The following ANKRD35 variants were observed in gnomAD, a reference collection of about 807,000 sequenced individuals.
ANKRD35 encodes the protein ankyrin repeat domain 35, also known as ankyrin repeat domain-containing protein 35.
ANKRD35 carries 102 observed loss-of-function variants against 109.9 expected under a neutral mutation model. The observed-to-expected ratio is 0.93, with a 90% CI of 0.79 to 1.09. ANKRD35 has a LOEUF of 1.09. Ranked by LOEUF, ANKRD35 falls within the 50% of genes least tolerant of loss-of-function variation. ANKRD35 has a pLI of 0.00. For synonymous variants in ANKRD35, 515 were observed against 512.4 expected, an observed-to-expected ratio of 1.01 and a Z score of -0.07; for missense variants, 1,240 against 1,230.1, an observed-to-expected ratio of 1.01 and a Z score of -0.12.
chr1:145,872,158 G>C lies in ANKRD35; in HGVS notation c.2611C>G (p.Arg871Gly). The change falls in exon 10 of 14, where the codon CGG (arginine) becomes GGG (glycine). Residue 871 changes from arginine (R) to glycine (G), a missense_variant. Coordinates refer to ENST00000355594, the MANE Select transcript of ANKRD35 (RefSeq NM_144698.5). ...CGGCGCTCCTCGGCCACCGCCTCCC[G>C]CAGCCGACCCACTTCCCGGCAGGCC... The part of the protein sequence containing the change: ...NTACREVGRL[R>G]EAVAEERRRS... 6.2e-7 allele frequency: 1 copy of C among 1,608,780 alleles called. No individual in the cohort carries two copies. Among genetic ancestry groups the C allele is most frequent in the African/African-American group, 1.3e-5 (1 of 74,740 alleles).
chr1:145,880,655 C>T (rs1441190935), intron 1 of ANKRD35, among the ~76,000 whole-genome samples: 1 of 152,066 alleles, frequency 6.6e-6, no homozygotes, highest in Non-Finnish European at 1.5e-5. Context: ...CAACAAGAGG[C>T]TATAGAAAGG....
rs1175128216 is a variant in ANKRD35 at position 145,874,714 on chromosome 1, C to T, written c.745+108G>A. 1.7e-5 allele frequency: 22 copies of T among 1,312,784 alleles called. No homozygotes were observed. In the Admixed American group the frequency reaches 2.5e-4, roughly 15 times the overall value. 81.3% of individuals were successfully genotyped at this position (1,312,784 alleles called of 1,614,324 possible). ...CAGCAATAAATACGTAAACTCTCAACCCAGGTGACAATTATTTGTCAGATA... is the reference window on the plus strand; with the variant it reads ...CAGCAATAAATACGTAAACTCTCAATCCAGGTGACAATTATTTGTCAGATA... On this transcript the variant is annotated intron_variant, in intron 8 of 13. Coordinates refer to ENST00000355594, the MANE Select transcript of ANKRD35 (RefSeq NM_144698.5).
At chr1:145,882,103 C>G (rs192903904) in intron 1 of ANKRD35, among the ~76,000 whole-genome samples, 1 of 150,544 alleles carries the variant, frequency 6.6e-6, no homozygotes, top group Non-Finnish European at 1.5e-5. Context: ...TACAGGCGCC[C>G]GCCACCACAC....
chr1:145,867,383 C>T lies in ANKRD35; in HGVS notation c.2953G>A (p.Glu985Lys). The T allele has an allele frequency of 6.2e-7, 1 of 1,613,186 alleles. No individual in the cohort carries two copies. Among genetic ancestry groups the T allele is most frequent in the South Asian group, 1.1e-5 (1 of 91,054 alleles). ...HLLNAARGYM[E>K]HEVYNILLQI... ...AGCAGGATATTGTACACTTCATGTT[C>T]CATGTAACCCTGTAGATGTCAGGAA... The change falls in exon 13 of 14, where the codon GAA becomes AAA. Residue 985 changes from glutamate (E) to lysine (K), a missense_variant. By Grantham distance (56) the Glu-to-Lys change is moderately conservative. Coordinates refer to ENST00000355594, the MANE Select transcript of ANKRD35 (RefSeq NM_144698.5).
chr1:145,879,444 G>A, intron 1 of ANKRD35, 56 bp from the exon 2 acceptor site: 9 of 1,381,314 alleles, frequency 6.5e-6, no homozygotes, highest in Non-Finnish European at 7.6e-6. Flanking sequence ...TGTGGAGAAA[G>A]AAAAGAGGCA....
rs782244128 is a variant in ANKRD35, at chr1:145,878,073, A to G, written c.260-41T>C. 14 of 1,545,276 alleles carry G rather than the reference A, an allele frequency of 9.1e-6. No individual in the cohort carries two copies. The African/African-American group carries it at 1.5e-4, about 17-fold the overall frequency. On this transcript the variant is annotated intron_variant, in intron 3 of 13. Transcript: ENST00000355594. ...GGGGAGAAGGAGGGTAGGTGGCCCC[A>G]TGCATGCTGATGACTCACAGGGAGG... is the stretch of plus-strand genomic sequence containing the variant.
chr1:145,871,864 C>T (rs1553738683), intron 10 of ANKRD35, 118 bp downstream of exon 10: 10 of 1,303,788 alleles, frequency 7.7e-6, no homozygotes, highest in Admixed American at 6.6e-5. Flanking sequence ...ACTGGTGCTC[C>T]GTTTGGGGTA....
chr1:145,882,865 A>T (rs1307373690), intron 1 of ANKRD35, among the ~76,000 whole-genome samples: 1 of 152,144 alleles, frequency 6.6e-6, no homozygotes, highest in Non-Finnish European at 1.5e-5. Flanking sequence ...TAAGCTTTGT[A>T]TTTCCATAGC....
chr1:145,872,144 G>T lies in ANKRD35; in HGVS notation c.2625C>A (p.Ala875=), dbSNP rs1553738805. The change falls in exon 10 of 14, where the codon GCC becomes GCA. Residue 875 remains alanine (A), a synonymous_variant. Coordinates refer to ENST00000355594, the MANE Select transcript of ANKRD35 (RefSeq NM_144698.5). ...GGTCCCCGCTCCGGCGGCGCTCCTC[G>T]GCCACCGCCTCCCGCAGCCGACCCA... ...REVGRLREAV[A]EERRRSGDLA... is the part of the protein sequence containing the mutation. 1.2e-6 allele frequency: 2 copies of T among 1,609,148 alleles called. No individual in the cohort carries two copies. The highest frequency in any genetic ancestry group is 1.7e-6 in the Non-Finnish European group (2 of 1,178,060).
At chr1:145,881,445 C>G (rs1654281372) in intron 1 of ANKRD35, among the ~76,000 whole-genome samples, 1 of 152,218 alleles carries the variant, frequency 6.6e-6, no homozygotes, top group African/African-American at 2.4e-5. Context: ...CCCTCAGACT[C>G]TACTGTCTCA....
At chr1:145,876,937 C>T in intron 4 of ANKRD35, 64 bp from the exon 5 acceptor site, 1 of 1,542,396 alleles carries the variant, frequency 6.5e-7, no homozygotes, top group Non-Finnish European at 9.0e-7. Flanking sequence ...CCCATACCCC[C>T]ATTGGGTCAC....
intron 10 of ANKRD35, among the ~76,000 whole-genome samples, chr1:145,871,405 C>T (rs1388368795): frequency 2.0e-5 from 3 of 151,998 alleles, no homozygotes; most frequent in Admixed American, 2.0e-4. Context: ...TCAGGTGATC[C>T]ACCCGCCTCG....
intron 1 of ANKRD35, among the ~76,000 whole-genome samples, chr1:145,884,479 G>A (rs1317911772): frequency 1.3e-5 from 2 of 152,278 alleles, no homozygotes; most frequent in Admixed American, 1.3e-4. Context: ...AGTTAGCAAA[G>A]CAATATTGCT....
Position 145,874,968 on chromosome 1 carries a change from T to G in ANKRD35, c.599A>C (p.Glu200Ala), listed in dbSNP as rs1553739798. The G allele has an allele frequency of 6.2e-7, 1 of 1,612,106 alleles. No homozygotes were observed. Among genetic ancestry groups the G allele is most frequent in the Admixed American group, 1.7e-5 (1 of 59,606 alleles). Residue 200 changes from glutamate (E) to alanine (A), a missense_variant, in exon 8 of 14, where the codon GAG becomes GCG. By Grantham distance (107) the Glu-to-Ala change is moderately radical (BLOSUM62 -1). Transcript: ENST00000355594. Reference sequence around the variant, plus strand: ...GTGGCTCAGGAGCAGTTCAGCCACCTCGGCACTGCCTTTCTCACAGGCCAG... The same window carrying G: ...GTGGCTCAGGAGCAGTTCAGCCACCGCGGCACTGCCTTTCTCACAGGCCAG... ...LILACEKGSAEVAELLLSHGA... is the reference protein window; with the variant it reads ...LILACEKGSAAVAELLLSHGA...
rs374576456 is a variant in ANKRD35 at position 145,868,270 on chromosome 1, G to A, written c.2877+41C>T. 25 of 1,595,418 alleles carry A rather than the reference G, an allele frequency of 1.6e-5. 1 individual carries two copies. The highest frequency in any genetic ancestry group is 2.1e-5 in the Non-Finnish European group (24 of 1,163,390). Reference sequence around the variant, plus strand: ...CCACATATACATCACTTCCACTGCTGACCTTCTTCTCCAGCACCATCCCTG... The same window carrying A: ...CCACATATACATCACTTCCACTGCTAACCTTCTTCTCCAGCACCATCCCTG... On this transcript the variant is annotated intron_variant, in intron 11 of 13. Coordinates refer to ENST00000355594, the MANE Select transcript of ANKRD35 (RefSeq NM_144698.5).
At chr1:145,877,909 A>T (rs1370222413) in intron 4 of ANKRD35, 59 bp downstream of exon 4, 11 of 1,524,024 alleles carry the variant, frequency 7.2e-6, no homozygotes, top group Non-Finnish European at 1.0e-5. Flanking sequence ...AAATGAAGTT[A>T]GAAAACTCTG....
chr1:145,868,004 A>G lies in ANKRD35; in HGVS notation c.2930T>C (p.Leu977Pro), dbSNP rs1653669161. ...CACCATGCTCACCCGAGCAGCATTC[A>G]GTAGATGATTCCTGTAGGTGGAGAT... is the stretch of plus-strand genomic sequence containing the variant. ...EIISTYRNHL[L>P]NAARGYMEHE... The change falls in exon 12 of 14, where the codon CTG becomes CCG. Residue 977 changes from leucine to proline, a missense_variant. Transcript: ENST00000355594. The G allele has an allele frequency of 1.2e-6, 2 of 1,614,164 alleles. No individual in the cohort carries two copies. The highest frequency in any genetic ancestry group is 2.2e-5 in the South Asian group (2 of 91,080).
chr1:145,876,267 G>C, intron 6 of ANKRD35, 21 bp from the exon 7 acceptor site: 1 of 1,599,872 alleles, frequency 6.3e-7, no homozygotes, highest in Non-Finnish European at 8.6e-7. Flanking sequence ...TGTAGGAAGA[G>C]GTTCATGAGC....
intron 1 of ANKRD35, among the ~76,000 whole-genome samples, chr1:145,880,882 T>A (rs1215994314): frequency 1.3e-5 from 2 of 152,206 alleles, no homozygotes; most frequent in Non-Finnish European, 2.9e-5. Context: ...TCAACATCCC[T>A]GGAAAGTAGC....
Sources: gnomAD v4.1 joint callset for allele counts (sites outside exome capture counted in the v4.1 genomes callset) on GRCh38, gnomAD v4.1.1 for gene constraint, MANE v1.5 for transcripts, NCBI Gene and HGNC (gene_info 2026-07-23, HGNC 2026-07-21) for gene names.